Variants in PRKCE observed in about 807,000 individuals in gnomAD.
PRKCE encodes protein kinase C epsilon type.
In PRKCE, 16 loss-of-function variants were observed where a neutral mutation model predicts 85.4. The ratio of observed to expected loss-of-function variants is 0.19; its 90% confidence interval spans 0.13 to 0.28. The LOEUF (loss-of-function observed/expected upper bound fraction) is 0.28. Ranked by LOEUF, PRKCE falls within the 10% of genes least tolerant of loss-of-function variation. The probability of loss-of-function intolerance (pLI) is 1.00; values close to 1 mark genes in which losing one functional copy is unlikely to be tolerated. For synonymous variants in PRKCE, 388 were observed against 371.5 expected (o/e 1.04, Z -0.51); for missense variants, 573 against 975.2 (o/e 0.59, Z 5.49).
intron 11 of PRKCE, among the ~76,000 whole-genome samples, chr2:46,130,034 C>A (rs1161724013): frequency 6.6e-6 from 1 of 152,154 alleles, no homozygotes; most frequent in Non-Finnish European, 1.5e-5. Context: ...CCCTTAGGGA[C>A]TATTAGCACA....
At chr2:46,028,402 GGC>G (rs1558979448) in intron 10 of PRKCE, among the ~76,000 whole-genome samples, 1 of 152,158 alleles carries the variant, frequency 6.6e-6, no homozygotes, top group East Asian at 1.9e-4. Context: ...CATTTCATTT[GGC>G]AGTTTGTATT....
At chr2:45,757,240 G>A (rs1474436612) in intron 1 of PRKCE, among the ~76,000 whole-genome samples, 10 of 148,934 alleles carry the variant, frequency 6.7e-5, no homozygotes, top group East Asian at 2.0e-4. Context: ...CCCAGGAGGC[G>A]GAGTTGCAGT....
chr2:45,793,393 G>A (rs548942745), intron 1 of PRKCE, among the ~76,000 whole-genome samples: 6 of 152,294 alleles, frequency 3.9e-5, no homozygotes, highest in Admixed American at 1.3e-4. Context: ...CAAGCTGAGA[G>A]GGGAAGAAAG....
At chr2:46,103,625 C>T (rs1357664613) in intron 11 of PRKCE, among the ~76,000 whole-genome samples, 1 of 152,280 alleles carries the variant, frequency 6.6e-6, no homozygotes, top group African/African-American at 2.4e-5. Flanking sequence ...CCAAACTTAA[C>T]TACTGATGCC....
chr2:45,953,300 A>G (rs953851022), intron 2 of PRKCE, among the ~76,000 whole-genome samples: 1 of 152,208 alleles, frequency 6.6e-6, no homozygotes, highest in Non-Finnish European at 1.5e-5. Flanking sequence ...GGCAAGAGAA[A>G]TGACCTACCC....
At chr2:45,703,026 C>CCG (rs919440239) in intron 1 of PRKCE, among the ~76,000 whole-genome samples, 1 of 151,524 alleles carries the variant, frequency 6.6e-6, no homozygotes, top group Non-Finnish European at 1.5e-5. Context: ...TTTTTTCCCC[C>CCG]CCCGTCAGGA....
rs550830719 is a variant in PRKCE, at chr2:45,866,411, C to G, written c.412+23348C>G. Among the ~76,000 whole-genome samples the G allele has an allele frequency of 2.6e-5, 4 of 152,200 alleles. No individual in the cohort carries two copies. The South Asian group carries it at 8.3e-4, about 32-fold the overall frequency. ...CAAGCTCCCGCTCCTGGGTTCATGC[C>G]ATTCTCCTGCCTCAGCCTCCCGAGT... is the stretch of plus-strand genomic sequence containing the variant. On this transcript the variant is annotated intron_variant, in intron 2 of 14. Transcript: ENST00000306156.
intron 10 of PRKCE, 91 bp downstream of exon 10, chr2:46,010,608 CAA>C: frequency 6.3e-7 from 1 of 1,599,070 alleles, no homozygotes; most frequent in South Asian, 1.1e-5. Context: ...ATTGTTCTCT[CAA>C]AGACTTTGTA....
chr2:45,728,059 C>G (rs1681235983), intron 1 of PRKCE, among the ~76,000 whole-genome samples: 1 of 152,208 alleles, frequency 6.6e-6, no homozygotes, highest in Non-Finnish European at 1.5e-5. Context: ...AACACCATGC[C>G]TCGCTTTCTG....
chr2:46,072,610 C>T (rs77059975), intron 10 of PRKCE, among the ~76,000 whole-genome samples: 16,564 of 152,226 alleles, frequency 0.11, 1,029 homozygotes, highest in Middle Eastern at 0.15. Context: ...GTTATGAAAA[C>T]CCAACACAGC....
chr2:45,933,536 C>T (rs188219794), intron 2 of PRKCE, among the ~76,000 whole-genome samples: 2,120 of 139,242 alleles, frequency 0.015, 59 homozygotes, highest in African/African-American at 0.054. Context: ...TGCAGTGGCG[C>T]GATCTCGGCT....
intron 1 of PRKCE, among the ~76,000 whole-genome samples, chr2:45,663,793 AAG>A (rs1433369073): frequency 6.6e-6 from 1 of 152,206 alleles, no homozygotes; most frequent in African/African-American, 2.4e-5. Flanking sequence ...AAAAAAAAAA[AAG>A]AAAATGTTGG....
intron 10 of PRKCE, chr2:46,078,510 A>G (rs1668755623): frequency 6.6e-6 from 1 of 151,140 alleles, no homozygotes; most frequent in Non-Finnish European, 1.5e-5. Flanking sequence ...ACTGCACTAT[A>G]GCCTGGGTGA....
At chr2:46,167,692 T>G (rs1678474186) in intron 14 of PRKCE, 1 of 152,152 alleles carries the variant, frequency 6.6e-6, no homozygotes, top group African/African-American at 2.4e-5. Flanking sequence ...CCCAGCCCTT[T>G]TTGCCTCTTA....
At chr2:45,859,632 A>AT (rs1428224105) in intron 2 of PRKCE, among the ~76,000 whole-genome samples, 29 of 151,962 alleles carry the variant, frequency 1.9e-4, no homozygotes, top group African/African-American at 6.3e-4. Context: ...CCCTTAGTGC[A>AT]TTTTTCTGTT....
At chr2:45,695,944 TTTA>T (rs1243216905) in intron 1 of PRKCE, among the ~76,000 whole-genome samples, 3 of 152,142 alleles carry the variant, frequency 2.0e-5, no homozygotes, top group East Asian at 1.9e-4. Context: ...CTTTTTTTAT[TTTA>T]TTATTATTAT....
chr2:45,912,474 G>C (rs527433213), intron 2 of PRKCE, among the ~76,000 whole-genome samples: 14 of 152,304 alleles, frequency 9.2e-5, no homozygotes, highest in African/African-American at 3.1e-4. Context: ...TTGGGAGTGG[G>C]TGGGGGCTGG....
intron 10 of PRKCE, among the ~76,000 whole-genome samples, chr2:46,061,535 G>C (rs1220186171): frequency 6.6e-6 from 1 of 152,184 alleles, no homozygotes; most frequent in Non-Finnish European, 1.5e-5. Flanking sequence ...ACCTAGAGCA[G>C]TCATTTCTGG....
intron 2 of PRKCE, among the ~76,000 whole-genome samples, chr2:45,912,987 G>A (rs533177224): frequency 3.3e-5 from 5 of 152,288 alleles, no homozygotes; most frequent in African/African-American, 1.2e-4. Context: ...TCTGGAACTG[G>A]TGGTCAGGAG....
Sources: gnomAD v4.1 joint callset for allele counts (sites outside exome capture counted in the v4.1 genomes callset) on GRCh38, gnomAD v4.1.1 for gene constraint, MANE v1.5 for transcripts, NCBI Gene and HGNC (gene_info 2026-07-23, HGNC 2026-07-21) for gene names.